PHLPP1: variants seen among roughly 807,000 people sequenced by gnomAD.
PHLPP1 encodes the protein PH domain leucine-rich repeat-containing protein phosphatase 1.
In PHLPP1, 42 loss-of-function variants were observed where a neutral mutation model predicts 117.2. That is an observed-to-expected ratio of 0.36 (90% confidence interval 0.28 to 0.46). The LOEUF (loss-of-function observed/expected upper bound fraction) is 0.46, where lower values mean the gene tolerates loss of function less well. PHLPP1 is among the 20% of genes least tolerant of loss of function. PHLPP1 has a pLI of 1.00. For synonymous variants in PHLPP1, 1,042 were observed against 970.7 expected (o/e 1.07, Z -1.37); for missense variants, 2,084 against 2,241.9 (o/e 0.93, Z 1.42).
chr18:62,888,216 T>TA (rs1207459847), intron 4 of PHLPP1, among the ~76,000 whole-genome samples: 3 of 152,152 alleles, frequency 2.0e-5, no homozygotes, highest in Non-Finnish European at 4.4e-5. Context: ...GAAATATCTG[T>TA]AGCCTCATTG....
rs1440710218 is a variant in PHLPP1 at position 62,978,171 on chromosome 18, G to A, written c.3985-91G>A. 1.4e-6 allele frequency: 1 copy of A among 697,142 alleles called. No homozygotes were observed. Among genetic ancestry groups the A allele is most frequent in the Non-Finnish European group, 2.5e-6 (1 of 404,070 alleles). The allele number at this position is 697,142 out of a possible 1,614,324, so 43.2% of individuals were successfully genotyped here. On this transcript the variant is annotated intron_variant, in intron 16 of 16. Transcript: ENST00000262719. The surrounding 1 kb of genome is among the most constrained non-coding windows in gnomAD (Gnocchi z 7.0). ...CACAGCACTTCTCTGTGGTCCTACA[G>A]TCGAGACAGTCGAGGGACCCGCAGG...
chr18:62,866,622 T>C (rs1297519996), intron 4 of PHLPP1, among the ~76,000 whole-genome samples: 1 of 152,168 alleles, frequency 6.6e-6, no homozygotes, highest in African/African-American at 2.4e-5. Context: ...TAAATTTGAG[T>C]ATTTCATAAT....
Position 62,716,735 on chromosome 18 carries a change from G to A in PHLPP1, c.1052G>A (p.Ser351Asn). 1 of 1,514,550 alleles carries A rather than the reference G, an allele frequency of 6.6e-7. No homozygotes were observed. The highest frequency in any genetic ancestry group is 8.8e-7 in the Non-Finnish European group (1 of 1,136,910). The allele number at this position is 1,514,550 out of a possible 1,614,324, so 93.8% of individuals were successfully genotyped here. ...RPVVSDTESF[S>N]LSPSAESVSD... ...GTGGTCTCCGACACCGAGAGCTTCA[G>A]TCTGAGTCCCAGCGCCGAGAGCGTG... The change falls in exon 1 of 17, where the codon AGT (serine) becomes AAT (asparagine). Residue 351 changes from serine to asparagine, a missense_variant. Around this residue, in one of 2 missense-constraint regions of PHLPP1, gnomAD observed 719 missense variants for 636.0 expected, o/e 1.13. Transcript: ENST00000262719. The surrounding 1 kb of genome is among the most constrained non-coding windows in gnomAD (Gnocchi z 5.7).
At chr18:62,741,926 G>T (rs1911539671) in intron 1 of PHLPP1, among the ~76,000 whole-genome samples, 1 of 151,938 alleles carries the variant, frequency 6.6e-6, no homozygotes, top group East Asian at 1.9e-4. Context: ...CATATAATGG[G>T]TGTGTGGTCT....
At position 62,971,182 on chromosome 18, in the gene PHLPP1, C is replaced by A. The variant is rs143962200; in HGVS notation, c.3561-1332C>A. On this transcript the variant is annotated intron_variant, in intron 14 of 16. Coordinates refer to ENST00000262719, the MANE Select transcript of PHLPP1 (RefSeq NM_194449.4). ...TGATTTTGATGTGTCTCAGTTAAGT[C>A]TTCTTCATGTTTGTCTTGCTTGCAG... 5.2e-3 allele frequency among the ~76,000 whole-genome samples: 792 copies of A among 152,146 alleles called. 41 individuals are homozygous for A. The highest frequency in any genetic ancestry group is 0.048 in the Admixed American group (733 of 15,290).
chr18:62,861,691 T>A (rs1915636885), intron 4 of PHLPP1, among the ~76,000 whole-genome samples: 1 of 152,262 alleles, frequency 6.6e-6, no homozygotes, highest in African/African-American at 2.4e-5. Flanking sequence ...TTTATGGTTT[T>A]TAACATCCAG....
intron 4 of PHLPP1, among the ~76,000 whole-genome samples, chr18:62,890,018 C>T (rs12956210): frequency 0.03 from 4,569 of 152,072 alleles, 118 homozygotes; most frequent in Non-Finnish European, 0.05. Flanking sequence ...GGAAAGGGTG[C>T]CCCCGACTCC....
At chr18:62,935,858 G>A (rs2144445501) in intron 10 of PHLPP1, among the ~76,000 whole-genome samples, 1 of 152,166 alleles carries the variant, frequency 6.6e-6, no homozygotes, top group East Asian at 1.9e-4. Context: ...ACAAAAATTA[G>A]CCGGGCTGGT....
chr18:62,962,560 T>C (rs1053089931), intron 13 of PHLPP1, among the ~76,000 whole-genome samples: 3 of 152,128 alleles, frequency 2.0e-5, no homozygotes, highest in Non-Finnish European at 4.4e-5. Flanking sequence ...CCGCCCGCCT[T>C]GGCCTCCCAA....
chr18:62,919,699 G>A (rs922487557), intron 9 of PHLPP1, among the ~76,000 whole-genome samples: 1 of 152,150 alleles, frequency 6.6e-6, no homozygotes, highest in South Asian at 2.1e-4. Flanking sequence ...AACAAGATTA[G>A]ACTGATCTCT....
In PHLPP1 at chr18:62,914,936, A is replaced by C. The variant is rs771653541; in HGVS notation, c.2732A>C (p.Glu911Ala). The change falls in exon 9 of 17, where the codon GAG (glutamate) becomes GCG (alanine). Residue 911 changes from glutamate to alanine, a missense_variant. By Grantham distance (107) the Glu-to-Ala change is moderately radical. Coordinates refer to ENST00000262719, the MANE Select transcript of PHLPP1 (RefSeq NM_194449.4). ...VSRNRLENVPEWVCESRKLEV... is the reference protein window; with the variant it reads ...VSRNRLENVPAWVCESRKLEV... ...AGGAACCGCTTAGAAAATGTGCCTG[A>C]GTGGGTATGTGAAAGCCGAAAGCTA... 1.9e-6 allele frequency: 3 copies of C among 1,613,636 alleles called. No homozygotes were observed. The highest frequency in any genetic ancestry group is 2.5e-6 in the Non-Finnish European group (3 of 1,179,690).
Position 62,851,390 on chromosome 18 carries a change from C to T in PHLPP1, c.1900-9045C>T, listed in dbSNP as rs115563164. Among the ~76,000 whole-genome samples, 975 of 152,258 alleles carry T rather than the reference C, an allele frequency of 6.4e-3. 15 individuals are homozygous for T. Among genetic ancestry groups the T allele is most frequent in the African/African-American group, 0.022 (932 of 41,560 alleles). ...CTATATTTTAACAGGTACCTCATAG[C>T]CTATCATTTTAAAATCATAGATCCT... On this transcript the variant is annotated intron_variant, in intron 3 of 16. Coordinates refer to ENST00000262719, the MANE Select transcript of PHLPP1 (RefSeq NM_194449.4).
chr18:62,895,106 T>A lies in PHLPP1; in HGVS notation c.2162T>A (p.Val721Glu). The change falls in exon 5 of 17, where the codon GTG becomes GAG. Residue 721 changes from valine (V) to glutamate (E), a missense_variant. Physicochemically the swap from Val to Glu is moderately radical, Grantham distance 121. This residue lies in a region of PHLPP1 where 1,365 missense variants were observed against 1,605.9 expected (regional missense o/e 0.85). Transcript: ENST00000262719. ...CSIPTLAELN[V>E]SCNALRSVPA... ...ATTCCAACCCTGGCAGAGCTGAACG[T>A]GTCCTGCAATGCCCTGCGATCAGTC... The A allele has an allele frequency of 6.2e-7, 1 of 1,614,002 alleles. No individual in the cohort carries two copies. Among genetic ancestry groups the A allele is most frequent in the Non-Finnish European group, 8.5e-7 (1 of 1,179,870 alleles).
Position 62,715,595 on chromosome 18 carries a change from C to G in PHLPP1, c.-89C>G. ...GCCATTGGCTTCTCCCTTCTCCGCGCGCCGCCGCCGTCTCCCACCTCCGCC... is the reference window on the plus strand; with the variant it reads ...GCCATTGGCTTCTCCCTTCTCCGCGGGCCGCCGCCGTCTCCCACCTCCGCC... On this transcript the variant is annotated 5_prime_UTR_variant, in exon 1 of 17. Coordinates refer to ENST00000262719, the MANE Select transcript of PHLPP1 (RefSeq NM_194449.4). 1 of 825,388 alleles carries G rather than the reference C, an allele frequency of 1.2e-6. No individual in the cohort carries two copies. Among genetic ancestry groups the G allele is most frequent in the Non-Finnish European group, 1.6e-6 (1 of 612,296 alleles). The allele number at this position is 825,388 out of a possible 1,614,324, so 51.1% of individuals were successfully genotyped here. A position where few individuals can be genotyped will look rare whatever the true frequency, so the allele number is the denominator to read the frequency against.
intron 4 of PHLPP1, among the ~76,000 whole-genome samples, chr18:62,894,269 C>A (rs1225376711): frequency 6.6e-6 from 1 of 152,202 alleles, no homozygotes; most frequent in African/African-American, 2.4e-5. Context: ...AATCTCAGCT[C>A]ACTGCAACCT....
chr18:62,862,281 A>G (rs1467535100), intron 4 of PHLPP1, among the ~76,000 whole-genome samples: 1 of 151,894 alleles, frequency 6.6e-6, no homozygotes. Context: ...GGGTTTCACC[A>G]TGTTGGCCAG....
intron 13 of PHLPP1, among the ~76,000 whole-genome samples, chr18:62,961,008 A>T (rs1910751281): frequency 6.6e-6 from 1 of 152,082 alleles, no homozygotes; most frequent in Admixed American, 6.6e-5. Context: ...TTAAAGATAT[A>T]CAAGATGGCC....
intron 8 of PHLPP1, among the ~76,000 whole-genome samples, chr18:62,912,330 TAAAA>T (rs1274872770): frequency 1.4e-5 from 2 of 140,640 alleles, no homozygotes; most frequent in Admixed American, 7.2e-5. Context: ...AAAAAAATAA[TAAAA>T]AACCTGATCC....
intron 4 of PHLPP1, among the ~76,000 whole-genome samples, chr18:62,878,365 C>T (rs560204111): frequency 2.6e-4 from 39 of 152,242 alleles, no homozygotes; most frequent in African/African-American, 8.7e-4. Context: ...GACCAATACT[C>T]CTCTCCTCCC....
Sources: gnomAD v4.1 joint callset for allele counts (sites outside exome capture counted in the v4.1 genomes callset) on GRCh38, gnomAD v4.1.1 for gene constraint, gnomAD v4.1.1 regional missense constraint, Gnocchi (gnomAD v3.1) non-coding constraint, MANE v1.5 for transcripts, NCBI Gene and HGNC (gene_info 2026-07-23, HGNC 2026-07-21) for gene names.